The following C1QTNF7 variants were observed in gnomAD, a reference collection of about 807,000 sequenced individuals.
The protein encoded by C1QTNF7 is C1q and TNF related 7, also known as complement C1q tumor necrosis factor-related protein 7.
In C1QTNF7, 15 loss-of-function variants were observed where a neutral mutation model predicts 19.6. The ratio of observed to expected loss-of-function variants is 0.76; its 90% CI spans 0.51 to 1.18. C1QTNF7 has a LOEUF of 1.18. Among genes scored for constraint, C1QTNF7 ranks in the 50% most tolerant of loss-of-function variants. The pLI, the probability that C1QTNF7 is intolerant of heterozygous loss-of-function variation, is 0.00. For missense variants in C1QTNF7, 324 were observed against 359.7 expected (o/e 0.90, Z 0.80); for synonymous variants, 142 against 137.5 (o/e 1.03, Z -0.23).
chr4:15,409,794 C>T (rs1719339075), intron 1 of C1QTNF7, among the ~76,000 whole-genome samples: 1 of 152,128 alleles, frequency 6.6e-6, no homozygotes, highest in African/African-American at 2.4e-5. Flanking sequence ...TATAATAGGA[C>T]CCACTTACCA....
At chr4:15,372,329 A>G (rs1027632101) in intron 1 of C1QTNF7, among the ~76,000 whole-genome samples, 2 of 152,206 alleles carry the variant, frequency 1.3e-5, no homozygotes, top group African/African-American at 2.4e-5. Context: ...AAGAAAAGGA[A>G]GAGAAAGATC....
chr4:15,388,824 G>A (rs1718444225), intron 1 of C1QTNF7, among the ~76,000 whole-genome samples: 1 of 152,204 alleles, frequency 6.6e-6, no homozygotes, highest in Non-Finnish European at 1.5e-5. Context: ...TCCAAGAAAT[G>A]AGGAAGGTGG....
At chr4:15,402,243 G>C (rs1003600065) in intron 1 of C1QTNF7, among the ~76,000 whole-genome samples, 3 of 152,176 alleles carry the variant, frequency 2.0e-5, no homozygotes, top group Non-Finnish European at 4.4e-5. Flanking sequence ...AGGGGACAAG[G>C]TGACCCAAGA....
intron 2 of C1QTNF7, among the ~76,000 whole-genome samples, chr4:15,440,790 T>C (rs1712728492): frequency 1.3e-5 from 2 of 152,154 alleles, no homozygotes; most frequent in African/African-American, 4.8e-5. Context: ...GTCATTGTTT[T>C]ATGGTTATTG....
intron 1 of C1QTNF7, among the ~76,000 whole-genome samples, chr4:15,384,247 C>T (rs1479715622): frequency 6.6e-6 from 1 of 152,170 alleles, no homozygotes; most frequent in South Asian, 2.1e-4. Flanking sequence ...CAGGCCAGTG[C>T]TTGTCATAGA....
intron 1 of C1QTNF7, among the ~76,000 whole-genome samples, chr4:15,362,681 C>T (rs910703313): frequency 6.6e-6 from 1 of 152,192 alleles, no homozygotes; most frequent in Non-Finnish European, 1.5e-5. Flanking sequence ...AGACTCATTG[C>T]TAACCTTTGA....
At chr4:15,342,081 G>T (rs1716562700) in intron 1 of C1QTNF7, among the ~76,000 whole-genome samples, 2 of 152,224 alleles carry the variant, frequency 1.3e-5, no homozygotes, top group East Asian at 3.9e-4. Flanking sequence ...CAGTCACTGG[G>T]GGGCTTTGTA....
chr4:15,418,856 A>G (rs1252506072), intron 1 of C1QTNF7, among the ~76,000 whole-genome samples: 1 of 152,232 alleles, frequency 6.6e-6, no homozygotes, highest in East Asian at 1.9e-4. Context: ...CCCTCAGCAC[A>G]GAGTCTGCCC....
intron 1 of C1QTNF7, among the ~76,000 whole-genome samples, chr4:15,422,194 T>G (rs1247206980): frequency 8.9e-6 from 1 of 112,296 alleles, no homozygotes; most frequent in South Asian, 3.2e-4. Context: ...TATAATCTAA[T>G]AAACCTGTTT....
chr4:15,376,908 T>C (rs1424951301), intron 1 of C1QTNF7, among the ~76,000 whole-genome samples: 1 of 152,202 alleles, frequency 6.6e-6, no homozygotes, highest in Non-Finnish European at 1.5e-5. Flanking sequence ...GAACACAGGT[T>C]TTCAAATTCC....
chr4:15,400,848 T>C (rs1045390321), intron 1 of C1QTNF7, among the ~76,000 whole-genome samples: 29 of 152,204 alleles, frequency 1.9e-4, no homozygotes, highest in African/African-American at 7.0e-4. Context: ...AGGGTCTTTG[T>C]TCATTGTGGG....
chr4:15,419,471 A>T (rs923705870), intron 1 of C1QTNF7, among the ~76,000 whole-genome samples: 1 of 152,214 alleles, frequency 6.6e-6, no homozygotes, highest in Non-Finnish European at 1.5e-5. Context: ...TTAAAGAAAA[A>T]GCACACAGCA....
At chr4:15,425,531 G>T (rs1181765014), upstream of C1QTNF7, among the ~76,000 whole-genome samples, 1 of 152,262 alleles carries the variant, frequency 6.6e-6, no homozygotes, top group South Asian at 2.1e-4. Flanking sequence ...AGAACCCAGG[G>T]CACCCATGGA....
intron 1 of C1QTNF7, among the ~76,000 whole-genome samples, chr4:15,357,836 C>T (rs752208932): frequency 7.9e-5 from 12 of 152,108 alleles, no homozygotes; most frequent in Non-Finnish European, 1.6e-4. Flanking sequence ...ATTTTCTTCT[C>T]TTTGTAGCAA....
intron 2 of C1QTNF7, among the ~76,000 whole-genome samples, chr4:15,440,878 A>G (rs912992573): frequency 1.3e-5 from 2 of 151,700 alleles, no homozygotes; most frequent in Non-Finnish European, 2.9e-5. Context: ...GCGGCTCAGG[A>G]CTCCCAAATC....
At chr4:15,353,728 T>C (rs555216792) in intron 1 of C1QTNF7, among the ~76,000 whole-genome samples, 1 of 151,670 alleles carries the variant, frequency 6.6e-6, no homozygotes, top group South Asian at 2.1e-4. Context: ...GTTGGTATTA[T>C]TTCCATTTCA....
At chr4:15,349,394 C>T (rs958183066) in intron 1 of C1QTNF7, among the ~76,000 whole-genome samples, 1 of 152,136 alleles carries the variant, frequency 6.6e-6, no homozygotes, top group Non-Finnish European at 1.5e-5. Context: ...ACCGAAGGGC[C>T]TAGCACAGTG....
Position 15,359,682 on chromosome 4 carries a change from A to G in C1QTNF7, c.13+19475A>G, listed in dbSNP as rs1232353214. 2.0e-5 allele frequency among the ~76,000 whole-genome samples: 3 copies of G among 152,172 alleles called. No homozygotes were observed. In the East Asian group the frequency reaches 5.8e-4, roughly 29 times the overall value. On this transcript the variant is annotated intron_variant, in intron 1 of 2. Coordinates refer to the C1QTNF7 transcript ENST00000295297. Reference sequence around the variant, plus strand: ...GAAATAGGACTACGAGATCTTTAAAATTTTAGCATTGACGGGACCTTAGAG... The same window carrying G: ...GAAATAGGACTACGAGATCTTTAAAGTTTTAGCATTGACGGGACCTTAGAG...
intron 1 of C1QTNF7, among the ~76,000 whole-genome samples, chr4:15,370,875 A>C (rs1284196157): frequency 6.6e-6 from 1 of 152,218 alleles, no homozygotes; most frequent in African/African-American, 2.4e-5. Context: ...GGAAACACTT[A>C]AGATTTATCT....
Sources: allele counts gnomAD v4.1 joint callset (sites outside exome capture counted in the v4.1 genomes callset), GRCh38; gene constraint gnomAD v4.1.1; transcripts MANE v1.5; gene names NCBI Gene and HGNC (gene_info 2026-07-23, HGNC 2026-07-21).